Variants in RSPRY1 observed in about 807,000 individuals in gnomAD.
RSPRY1 encodes the protein ring finger and SPRY domain containing 1, also known as RING finger and SPRY domain-containing protein 1.
RSPRY1 carries 23 observed loss-of-function variants against 73.1 expected under a neutral mutation model. The ratio of observed to expected loss-of-function variants is 0.31; its 90% CI spans 0.23 to 0.45. The LOEUF (loss-of-function observed/expected upper bound fraction) is 0.45. Among genes scored for constraint, RSPRY1 ranks in the 20% least tolerant of loss-of-function variants. The pLI is 1.00. For synonymous variants in RSPRY1, 226 were observed against 251.4 expected, an observed-to-expected ratio of 0.90 and a Z score of 0.95; for missense variants, 448 against 698.7, an observed-to-expected ratio of 0.64 and a Z score of 4.05.
rs1370674427 is a variant in RSPRY1 at position 57,200,952 on chromosome 16, G to C, written c.-155-3552G>C. 2.2e-3 allele frequency among the ~76,000 whole-genome samples: 271 copies of C among 122,468 alleles called. 8 individuals are homozygous for C. Among genetic ancestry groups the C allele is most frequent in the African/African-American group, 8.0e-3 (250 of 31,198 alleles). The allele number at this position is 122,468 out of a possible 152,430, so 80.3% of individuals were successfully genotyped here. The stretch of plus-strand genomic sequence containing the variant: ...TCCCAGACGGGGCGGCTGGCCGGGG[G>C]GGGGGGGGGCTGACCCCCCCACCTC... On this transcript the variant is annotated intron_variant, in intron 1 of 14. Transcript: ENST00000394420.
rs567963069 is a variant in RSPRY1 at position 57,214,034 on chromosome 16, G to T, written c.702+88G>T. ...TGCATTTTCTCAAATTGCTGGCATA[G>T]CCACTGGCACAGAGAATGGAATCAA... is the stretch of plus-strand genomic sequence containing the variant. On this transcript the variant is annotated intron_variant, in intron 6 of 14. Transcript: ENST00000394420. The T allele has an allele frequency of 1.5e-4, 133 of 870,146 alleles. 2 individuals carry two copies. Among genetic ancestry groups the T allele is most frequent in the Non-Finnish European group, 2.0e-6 (1 of 511,752 alleles). The allele number at this position is 870,146 out of a possible 1,614,324, so 53.9% of individuals were successfully genotyped here.
In RSPRY1 at chr16:57,239,981, C is replaced by G. The variant is rs569992101; in HGVS notation, c.*1006C>G. On this transcript the variant is annotated 3_prime_UTR_variant, in exon 15 of 15. Coordinates refer to ENST00000394420, the MANE Select transcript of RSPRY1 (RefSeq NM_133368.3). ...TTCAATCATGAATTATTGACTATGT[C>G]TTCATCAAAAGTGTTAATCCCTCTC... The G allele has an allele frequency of 6.6e-6, 1 of 152,074 alleles. No individual in the cohort carries two copies. The highest frequency in any genetic ancestry group is 1.5e-5 in the Non-Finnish European group (1 of 68,008). The allele number at this position is 152,074 out of a possible 1,614,324, so 9.4% of individuals were successfully genotyped here.
Position 57,204,875 on chromosome 16 carries a change from A to G in RSPRY1, c.217A>G (p.Thr73Ala). The G allele has an allele frequency of 6.2e-7, 1 of 1,614,206 alleles. No individual in the cohort carries two copies. Among genetic ancestry groups the G allele is most frequent in the Non-Finnish European group, 8.5e-7 (1 of 1,180,026 alleles). Residue 73 changes from threonine (T) to alanine (A), a missense_variant, in exon 2 of 15, where the codon ACA becomes GCA. By Grantham distance (58) the Thr-to-Ala change is moderately conservative. Coordinates refer to ENST00000394420, the MANE Select transcript of RSPRY1 (RefSeq NM_133368.3). Reference protein sequence around the residue: ...AENSAVPTADTRSQPRDPVRP... With the variant: ...AENSAVPTADARSQPRDPVRP... Reference sequence around the variant, plus strand: ...GAACAGTGCAGTACCCACTGCTGACACAAGGAGCCAACCACGGGACCCTGT... The same window carrying G: ...GAACAGTGCAGTACCCACTGCTGACGCAAGGAGCCAACCACGGGACCCTGT...
chr16:57,221,517 A>G, intron 10 of RSPRY1, 102 bp downstream of exon 10: 2 of 1,282,280 alleles, frequency 1.6e-6, no homozygotes, highest in South Asian at 1.5e-5. Context: ...GATTTGCTCA[A>G]TAATCTTTTC....
chr16:57,208,358 G>T, intron 3 of RSPRY1, among the ~76,000 whole-genome samples: 1 of 124,586 alleles, frequency 8.0e-6, no homozygotes, highest in African/African-American at 3.1e-5. Flanking sequence ...TACTGTTCTG[G>T]AATGGAGAGG....
intron 6 of RSPRY1, 41 bp from the exon 7 acceptor site, chr16:57,216,066 A>C: frequency 1.4e-5 from 15 of 1,076,522 alleles, no homozygotes; most frequent in Non-Finnish European, 1.9e-5. Context: ...CTGCAGGGGA[A>C]TGATTTTTTT....
chr16:57,194,981 C>G (rs1248007006), intron 1 of RSPRY1, among the ~76,000 whole-genome samples: 3 of 151,246 alleles, frequency 2.0e-5, no homozygotes, highest in African/African-American at 7.3e-5. Context: ...TTTTTTTTGT[C>G]TCAGAGCAGC....
intron 5 of RSPRY1, among the ~76,000 whole-genome samples, chr16:57,213,550 T>C (rs560277609): frequency 5.3e-5 from 8 of 152,354 alleles, no homozygotes; most frequent in Non-Finnish European, 1.0e-4. Context: ...TTTATGAATG[T>C]TACCCATTTT....
chr16:57,207,363 T>C (rs1015035648), intron 2 of RSPRY1, among the ~76,000 whole-genome samples: 7 of 152,096 alleles, frequency 4.6e-5, no homozygotes, highest in African/African-American at 1.4e-4. Context: ...CCACAATATG[T>C]AAACAAATAA....
chr16:57,237,437 C>T (rs2075316578), intron 14 of RSPRY1, among the ~76,000 whole-genome samples: 1 of 152,056 alleles, frequency 6.6e-6, no homozygotes, highest in African/African-American at 2.4e-5. Flanking sequence ...AGTCACCATG[C>T]CCAGCCTACA....
intron 8 of RSPRY1, 82 bp from the exon 9 acceptor site, chr16:57,220,650 T>C (rs936076135): frequency 2.5e-6 from 2 of 789,530 alleles, no homozygotes; most frequent in Non-Finnish European, 4.4e-6. Context: ...CTTCCTCTTG[T>C]CTGATTGCTG....
intron 10 of RSPRY1, among the ~76,000 whole-genome samples, chr16:57,223,691 G>C (rs939429965): frequency 2.0e-5 from 3 of 152,314 alleles, no homozygotes; most frequent in African/African-American, 7.2e-5. Flanking sequence ...AGAATTGCTG[G>C]AATATGGGAG....
Position 57,218,158 on chromosome 16 carries a change from A to G in RSPRY1, c.901+1123A>G, listed in dbSNP as rs140106927. 4.7e-3 allele frequency among the ~76,000 whole-genome samples: 721 copies of G among 152,262 alleles called. 7 individuals are homozygous for G. Among genetic ancestry groups the G allele is most frequent in the African/African-American group, 0.016 (670 of 41,552 alleles). Reference sequence around the variant, plus strand: ...GAAAAATCAGTGTGTTTTACCTTCCAGGGGGATTATTTTTAATGGATATAT... The same window carrying G: ...GAAAAATCAGTGTGTTTTACCTTCCGGGGGGATTATTTTTAATGGATATAT... On this transcript the variant is annotated intron_variant, in intron 8 of 14. Transcript: ENST00000394420.
Position 57,194,412 on chromosome 16 carries a change from T to C in RSPRY1, c.-156+7961T>C, listed in dbSNP as rs541643387. On this transcript the variant is annotated intron_variant, in intron 1 of 14. Coordinates refer to ENST00000394420, the MANE Select transcript of RSPRY1 (RefSeq NM_133368.3). ...TCTGTATGTTTGGAAAATTTCATAATAAAATATTGGGAGTGGGGAGTAAAT... is the reference window on the plus strand; with the variant it reads ...TCTGTATGTTTGGAAAATTTCATAACAAAATATTGGGAGTGGGGAGTAAAT... Among the ~76,000 whole-genome samples, 8 of 152,292 alleles carry C rather than the reference T, an allele frequency of 5.3e-5. No individual in the cohort carries two copies. The East Asian group carries it at 5.8e-4, about 11-fold the overall frequency.
chr16:57,204,593 A>G lies in RSPRY1; in HGVS notation c.-66A>G. The G allele has an allele frequency of 1.4e-6, 2 of 1,446,472 alleles. No individual in the cohort carries two copies. The highest frequency in any genetic ancestry group is 1.9e-6 in the Non-Finnish European group (2 of 1,049,736). The allele number at this position is 1,446,472 out of a possible 1,614,324, so 89.6% of individuals were successfully genotyped here. Reference sequence around the variant, plus strand: ...CTTTGGCATTCAGTTGTTAAAAACAAATAGGATGCAAATTCCTCAACTCCA... The same window carrying G: ...CTTTGGCATTCAGTTGTTAAAAACAGATAGGATGCAAATTCCTCAACTCCA... On this transcript the variant is annotated 5_prime_UTR_variant, in exon 2 of 15. Transcript: ENST00000394420.
intron 4 of RSPRY1, among the ~76,000 whole-genome samples, chr16:57,211,510 A>C (rs1445733836): frequency 6.6e-6 from 1 of 152,184 alleles, no homozygotes; most frequent in East Asian, 1.9e-4. Flanking sequence ...TGGAGGCTGC[A>C]GTGAGCTGAG....
intron 3 of RSPRY1, among the ~76,000 whole-genome samples, chr16:57,208,611 C>G (rs1293564360): frequency 6.6e-6 from 1 of 151,766 alleles, no homozygotes; most frequent in Admixed American, 6.6e-5. Context: ...GTTGGCCCAG[C>G]CTGGTCTTGT....
At chr16:57,197,797 C>T (rs1367062157) in intron 1 of RSPRY1, among the ~76,000 whole-genome samples, 14 of 152,144 alleles carry the variant, frequency 9.2e-5, no homozygotes, top group African/African-American at 3.1e-4. Context: ...CATTAGGGCT[C>T]ACTGCAGCCT....
At chr16:57,222,490 C>T (rs1037761290) in intron 10 of RSPRY1, among the ~76,000 whole-genome samples, 2 of 152,168 alleles carry the variant, frequency 1.3e-5, no homozygotes. Context: ...TGGAGAGAGA[C>T]AAATTGGAGG....
Sources: gnomAD v4.1 joint callset for allele counts (sites outside exome capture counted in the v4.1 genomes callset) on GRCh38, gnomAD v4.1.1 for gene constraint, MANE v1.5 for transcripts, NCBI Gene and HGNC (gene_info 2026-07-23, HGNC 2026-07-21) for gene names.